The following DYNC2LI1 variants were observed in gnomAD, a reference collection of about 807,000 sequenced individuals.
The protein encoded by DYNC2LI1 is dynein cytoplasmic 2 light intermediate chain 1.
A neutral mutation model predicts 51.9 loss-of-function variants in DYNC2LI1; 45 were observed. The observed-to-expected ratio is 0.87, with a 90% confidence interval of 0.68 to 1.11. The LOEUF (loss-of-function observed/expected upper bound fraction) is 1.11. Ranked by LOEUF, DYNC2LI1 falls within the 50% of genes most tolerant of loss-of-function variation. DYNC2LI1 has a pLI of 0.00. For synonymous variants in DYNC2LI1, 130 were observed against 137.8 expected, an observed-to-expected ratio of 0.94 and a Z score of 0.40; for missense variants, 490 against 417.4, an observed-to-expected ratio of 1.17 and a Z score of -1.51.
chr2:43,809,069 G>A (rs1165751288), intron 12 of DYNC2LI1, among the ~76,000 whole-genome samples: 1 of 151,878 alleles, frequency 6.6e-6, no homozygotes, highest in Non-Finnish European at 1.5e-5. Flanking sequence ...GTTTACTGCA[G>A]CCTTGGCCTC....
the DYNC2LI1 span, chr2:43,824,958 C>T: frequency 6.2e-7 from 1 of 1,613,914 alleles, no homozygotes; most frequent in Non-Finnish European, 8.5e-7. Flanking sequence ...TCAAGCATTT[C>T]CGCTGGCGTG....
chr2:43,812,386 G>A (rs1371671314), downstream of DYNC2LI1: 1 of 141,148 alleles, frequency 7.1e-6, no homozygotes, highest in Non-Finnish European at 1.5e-5. Context: ...TGTGCACAAT[G>A]TGCCTATAAG....
intron 1 of DYNC2LI1, among the ~76,000 whole-genome samples, chr2:43,775,266 G>T (rs919958579): frequency 7.9e-5 from 12 of 152,160 alleles, no homozygotes; most frequent in African/African-American, 2.7e-4. Context: ...ATTTAAAGAG[G>T]TTAGGTAGTT....
Position 43,794,605 on chromosome 2 carries a change from A to G in DYNC2LI1, c.469A>G (p.Arg157Gly), listed in dbSNP as rs747544028. The change falls in exon 6 of 13, where the codon AGA becomes GGA. Residue 157 changes from arginine to glycine, a missense_variant. Arg to Gly is a moderately radical substitution (Grantham distance 125). Coordinates refer to ENST00000260605, the MANE Select transcript of DYNC2LI1 (RefSeq NM_016008.4). The part of the protein sequence containing the change: ...KTNAKAVSEM[R>G]QKIWNNMPKD... ...AAATGCTAAAGCAGTTTCTGAAATGAGACAGAAGATCTGGAATAATATGCC... is the reference window on the plus strand; with the variant it reads ...AAATGCTAAAGCAGTTTCTGAAATGGGACAGAAGATCTGGAATAATATGCC... 1.9e-6 allele frequency: 3 copies of G among 1,614,134 alleles called. No individual in the cohort carries two copies. The highest frequency in any genetic ancestry group is 2.5e-6 in the Non-Finnish European group (3 of 1,180,004).
the DYNC2LI1 span, among the ~76,000 whole-genome samples, chr2:43,819,087 C>G: frequency 6.6e-6 from 1 of 152,062 alleles, no homozygotes. Flanking sequence ...CACACATATA[C>G]TTTTATATAG....
At chr2:43,825,042 A>G in the DYNC2LI1 span, 1 of 1,612,446 alleles carries the variant, frequency 6.2e-7, no homozygotes, top group South Asian at 1.1e-5. Context: ...AGACGTAGTT[A>G]GTGTGTGATC....
chr2:43,794,609 A>C lies in DYNC2LI1; in HGVS notation c.473A>C (p.Gln158Pro). ...GCTAAAGCAGTTTCTGAAATGAGAC[A>C]GAAGATCTGGAATAATATGCCGAAG... Reference protein sequence around the residue: ...TNAKAVSEMRQKIWNNMPKDH... With the variant: ...TNAKAVSEMRPKIWNNMPKDH... Residue 158 changes from glutamine to proline, a missense_variant, in exon 6 of 13, where the codon CAG becomes CCG. Coordinates refer to ENST00000260605, the MANE Select transcript of DYNC2LI1 (RefSeq NM_016008.4). The C allele has an allele frequency of 6.2e-7, 1 of 1,614,132 alleles. No individual in the cohort carries two copies. The highest frequency in any genetic ancestry group is 8.5e-7 in the Non-Finnish European group (1 of 1,180,004).
At chr2:43,791,016 A>G (rs1022114691) in intron 5 of DYNC2LI1, among the ~76,000 whole-genome samples, 4 of 152,108 alleles carry the variant, frequency 2.6e-5, no homozygotes, top group Non-Finnish European at 4.4e-5. Flanking sequence ...GGAGTTCAAG[A>G]CCAGCCTGGG....
chr2:43,815,882 G>C, the DYNC2LI1 span, among the ~76,000 whole-genome samples: 1 of 133,352 alleles, frequency 7.5e-6, no homozygotes, highest in African/African-American at 2.9e-5. Context: ...AGGATGGCTA[G>C]AATGAGGGCA....
chr2:43,787,327 A>G (rs1333171263), intron 4 of DYNC2LI1, 77 bp downstream of exon 4: 5 of 1,224,012 alleles, frequency 4.1e-6, no homozygotes, highest in East Asian at 2.4e-5. Context: ...TACATTTTCC[A>G]TCTCATCTGT....
chr2:43,820,835 G>C, the DYNC2LI1 span, among the ~76,000 whole-genome samples: 5 of 152,142 alleles, frequency 3.3e-5, no homozygotes, highest in South Asian at 1.0e-3. Context: ...TTTGTATTTA[G>C]TAGAGATGGG....
intron 2 of DYNC2LI1, among the ~76,000 whole-genome samples, chr2:43,781,037 C>A (rs1673255306): frequency 6.6e-6 from 1 of 152,024 alleles, no homozygotes. Context: ...GGAATTGTTA[C>A]CATATAGTGC....
chr2:43,826,256 T>C, the DYNC2LI1 span: 1 of 1,439,504 alleles, frequency 6.9e-7, no homozygotes, highest in Non-Finnish European at 9.5e-7. Context: ...TGCCTCAGCC[T>C]CCCAAAGTGC....
chr2:43,795,875 T>C lies in DYNC2LI1; in HGVS notation c.508-15T>C. ...AAAGAATTACAACAACTCAAGGAAA[T>C]ATGTTTATTAGCAGGATCATGAATT... On this transcript the variant is annotated splice_polypyrimidine_tract_variant and intron_variant, in intron 6 of 12. Coordinates refer to ENST00000260605, the MANE Select transcript of DYNC2LI1 (RefSeq NM_016008.4). 1 of 1,602,820 alleles carries C rather than the reference T, an allele frequency of 6.2e-7. No homozygotes were observed. The highest frequency in any genetic ancestry group is 8.5e-7 in the Non-Finnish European group (1 of 1,170,330).
chr2:43,806,413 TG>T (rs1666258406), intron 12 of DYNC2LI1, among the ~76,000 whole-genome samples: 1 of 152,168 alleles, frequency 6.6e-6, no homozygotes, highest in Admixed American at 6.5e-5. Flanking sequence ...CTTCGGGGGC[TG>T]TTGGAGAAGT....
At chr2:43,817,667 T>G in the DYNC2LI1 span, among the ~76,000 whole-genome samples, 5 of 152,170 alleles carry the variant, frequency 3.3e-5, no homozygotes, top group African/African-American at 9.6e-5. Context: ...CCCAGCACTT[T>G]GGGAGGCCAA....
chr2:43,786,108 A>T (rs1302453340), intron 3 of DYNC2LI1, among the ~76,000 whole-genome samples: 2 of 152,236 alleles, frequency 1.3e-5, no homozygotes, highest in African/African-American at 4.8e-5. Flanking sequence ...TTGTTGATAT[A>T]ATTTATTAAC....
At chr2:43,797,035 C>T (rs1665884680) in intron 8 of DYNC2LI1, among the ~76,000 whole-genome samples, 1 of 152,170 alleles carries the variant, frequency 6.6e-6, no homozygotes, top group African/African-American at 2.4e-5. Flanking sequence ...ATCCATAAAT[C>T]CCAACCAAGT....
At chr2:43,816,023 A>G in the DYNC2LI1 span, among the ~76,000 whole-genome samples, 3 of 152,090 alleles carry the variant, frequency 2.0e-5, no homozygotes, top group Non-Finnish European at 4.4e-5. Flanking sequence ...CTAGGGTGCT[A>G]TCTTTCTGAG....
Sources: allele counts gnomAD v4.1 joint callset (sites outside exome capture counted in the v4.1 genomes callset), GRCh38; gene constraint gnomAD v4.1.1; transcripts MANE v1.5; gene names NCBI Gene and HGNC (gene_info 2026-07-23, HGNC 2026-07-21).